SPOPL: variants seen among roughly 807,000 people sequenced by gnomAD.
SPOPL encodes the protein speckle type BTB/POZ protein like, also known as speckle-type POZ protein-like.
In SPOPL, 23 loss-of-function variants were observed where a neutral mutation model predicts 53.8. The observed-to-expected ratio is 0.43, with a 90% CI of 0.31 to 0.61. The LOEUF (loss-of-function observed/expected upper bound fraction) is 0.61, where lower values mean the gene tolerates loss of function less well. SPOPL is among the 20% of genes least tolerant of loss of function. The pLI is 0.12. For missense variants in SPOPL, 442 were observed against 466.9 expected (o/e 0.95, Z 0.49); for synonymous variants, 164 against 149.7 (o/e 1.10, Z -0.70).
intron 8 of SPOPL, among the ~76,000 whole-genome samples, chr2:138,562,044 C>T (rs1014953767): frequency 7.2e-5 from 11 of 152,090 alleles, no homozygotes; most frequent in African/African-American, 2.2e-4. Flanking sequence ...CTCAGGAAGA[C>T]TTAAATAAGT....
chr2:138,556,121 C>G (rs1685419624), intron 5 of SPOPL, among the ~76,000 whole-genome samples: 1 of 152,066 alleles, frequency 6.6e-6, no homozygotes, highest in Non-Finnish European at 1.5e-5. Context: ...TAAGAAGTCT[C>G]TTGAATACTC....
intron 1 of SPOPL, among the ~76,000 whole-genome samples, chr2:138,505,098 C>T (rs1462002203): frequency 6.6e-6 from 1 of 152,140 alleles, no homozygotes. Context: ...AGAGAAGACT[C>T]ACTTCCTTGT....
chr2:138,520,807 A>G (rs1364406887), intron 1 of SPOPL, among the ~76,000 whole-genome samples: 1 of 152,220 alleles, frequency 6.6e-6, no homozygotes, highest in Non-Finnish European at 1.5e-5. Flanking sequence ...CCCTGTTTAT[A>G]TATTACTATA....
At chr2:138,549,647 A>G (rs998921557) in intron 1 of SPOPL, among the ~76,000 whole-genome samples, 3 of 152,160 alleles carry the variant, frequency 2.0e-5, no homozygotes, top group Non-Finnish European at 2.9e-5. Flanking sequence ...GGAGTTTTGT[A>G]GAAAGTCTGT....
rs58705696 is a variant in SPOPL at position 138,527,918 on chromosome 2, C to T, written c.-60-22239C>T. On this transcript the variant is annotated intron_variant, in intron 1 of 10. Coordinates refer to ENST00000280098, the MANE Select transcript of SPOPL (RefSeq NM_001001664.3). ...GTGATGACTTCCCTGAAGTTGCATG[C>T]GTAAGCTGGGAACTGTTACACATGT... Among the ~76,000 whole-genome samples, 1,430 of 152,232 alleles carry T rather than the reference C, an allele frequency of 9.4e-3. 27 individuals are homozygous for T. Among genetic ancestry groups the T allele is most frequent in the African/African-American group, 0.033 (1,362 of 41,518 alleles).
chr2:138,502,820 G>A (rs566661103), intron 1 of SPOPL, among the ~76,000 whole-genome samples: 2 of 152,160 alleles, frequency 1.3e-5, no homozygotes, highest in East Asian at 3.9e-4. Context: ...TTTGTATATT[G>A]ATTCAACATA....
Position 138,564,943 on chromosome 2 carries a change from C to T in SPOPL, c.984C>T (p.Cys328=). 1 of 1,614,048 alleles carries T rather than the reference C, an allele frequency of 6.2e-7. No homozygotes were observed. The highest frequency in any genetic ancestry group is 8.5e-7 in the Non-Finnish European group (1 of 1,179,998). Reference sequence around the variant, plus strand: ...TATGTTTAAATCTTCAATGCAGGTGCAGTGTACTTCGACAACTTGGGTGTA... The same window carrying T: ...TATGTTTAAATCTTCAATGCAGGTGTAGTGTACTTCGACAACTTGGGTGTA... ...KAQAIDFINR[C]SVLRQLGCKD... is the part of the protein sequence containing the mutation. Residue 328 remains cysteine (C), a synonymous_variant, in exon 10 of 11, where the codon TGC becomes TGT. Coordinates refer to ENST00000280098, the MANE Select transcript of SPOPL (RefSeq NM_001001664.3).
chr2:138,550,478 C>T lies in SPOPL; in HGVS notation c.79-5C>T. On this transcript the variant is annotated splice_region_variant and splice_polypyrimidine_tract_variant and intron_variant, in intron 2 of 10. Coordinates refer to ENST00000280098, the MANE Select transcript of SPOPL (RefSeq NM_001001664.3). ...ATTATAAAAGTGGTTTTCTGAATCT[C>T]TTAGGTTAAAGTAGTAAAATTTTCC... The T allele has an allele frequency of 6.2e-7, 1 of 1,601,710 alleles. No homozygotes were observed. The highest frequency in any genetic ancestry group is 8.5e-7 in the Non-Finnish European group (1 of 1,173,024).
chr2:138,516,829 A>G (rs970647050), intron 1 of SPOPL, among the ~76,000 whole-genome samples: 3 of 152,244 alleles, frequency 2.0e-5, no homozygotes, highest in Non-Finnish European at 4.4e-5. Context: ...TAGATCCTTC[A>G]CAGGTGTAAG....
chr2:138,571,802 T>C lies in SPOPL; in HGVS notation c.*2722T>C, dbSNP rs868526757. 6.6e-6 allele frequency: 1 copy of C among 152,636 alleles called. No individual in the cohort carries two copies. The highest frequency in any genetic ancestry group is 1.5e-5 in the Non-Finnish European group (1 of 68,034). The allele number at this position is 152,636 out of a possible 1,614,324, so 9.5% of individuals were successfully genotyped here. On this transcript the variant is annotated 3_prime_UTR_variant, in exon 11 of 11. Coordinates refer to ENST00000280098, the MANE Select transcript of SPOPL (RefSeq NM_001001664.3). The stretch of plus-strand genomic sequence containing the variant: ...ATGTTGCATACTATAAGAATAATCA[T>C]TGGGTAACTGTTGTTTAGACCAACA...
chr2:138,509,567 G>A (rs554759087), intron 1 of SPOPL, among the ~76,000 whole-genome samples: 6 of 151,490 alleles, frequency 4.0e-5, no homozygotes, highest in South Asian at 4.2e-4. Flanking sequence ...TCCCCTCCTC[G>A]AACCCCCCAG....
At chr2:138,553,326 T>A (rs143290800) in intron 5 of SPOPL, among the ~76,000 whole-genome samples, 1 of 152,130 alleles carries the variant, frequency 6.6e-6, no homozygotes, top group East Asian at 1.9e-4. Flanking sequence ...TGTCATGTTA[T>A]CATTAGGTAG....
chr2:138,549,166 C>G (rs1226775294), intron 1 of SPOPL, among the ~76,000 whole-genome samples: 1 of 152,054 alleles, frequency 6.6e-6, no homozygotes, highest in Non-Finnish European at 1.5e-5. Context: ...ATTGTCTATT[C>G]TGCCTTCAAT....
chr2:138,552,451 A>AT, intron 4 of SPOPL, 103 bp from the exon 5 acceptor site: 1 of 1,358,616 alleles, frequency 7.4e-7, no homozygotes, highest in Non-Finnish European at 9.9e-7. Context: ...TGATGGATGT[A>AT]TTGACAAGTC....
intron 1 of SPOPL, among the ~76,000 whole-genome samples, chr2:138,513,446 G>A (rs996866212): frequency 2.0e-5 from 3 of 152,098 alleles, no homozygotes; most frequent in East Asian, 1.9e-4. Flanking sequence ...CCAGCTACTC[G>A]GGAGGCTGAG....
chr2:138,507,209 A>G (rs1002484279), intron 1 of SPOPL, among the ~76,000 whole-genome samples: 2 of 152,232 alleles, frequency 1.3e-5, no homozygotes, highest in African/African-American at 4.8e-5. Flanking sequence ...TTAAAATAAA[A>G]TATTAAATCT....
At chr2:138,502,710 G>A (rs1229581862) in intron 1 of SPOPL, among the ~76,000 whole-genome samples, 1 of 152,120 alleles carries the variant, frequency 6.6e-6, no homozygotes, top group Admixed American at 6.6e-5. Context: ...TTATACCAGA[G>A]TACATCAAGC....
intron 1 of SPOPL, among the ~76,000 whole-genome samples, chr2:138,542,291 G>A (rs1685088958): frequency 6.6e-6 from 1 of 152,192 alleles, no homozygotes; most frequent in African/African-American, 2.4e-5. Flanking sequence ...GGATATCCTT[G>A]TTAACTTTGT....
chr2:138,528,736 A>G (rs79313613), intron 1 of SPOPL, among the ~76,000 whole-genome samples: 1,630 of 152,320 alleles, frequency 0.011, 33 homozygotes, highest in African/African-American at 0.037. Flanking sequence ...ACTAAGCATT[A>G]TCTGTTACTT....
Sources: gnomAD v4.1 joint callset for allele counts (sites outside exome capture counted in the v4.1 genomes callset) on GRCh38, gnomAD v4.1.1 for gene constraint, MANE v1.5 for transcripts, NCBI Gene and HGNC (gene_info 2026-07-23, HGNC 2026-07-21) for gene names.